The following LRIG1 variants were observed in gnomAD, a reference collection of about 807,000 sequenced individuals.
LRIG1 encodes leucine rich repeats and immunoglobulin like domains 1.
Under a neutral mutation model 99.2 loss-of-function variants are expected in LRIG1, and 48 were observed. The observed-to-expected ratio is 0.48, with a 90% CI of 0.38 to 0.62. The LOEUF (loss-of-function observed/expected upper bound fraction) is 0.62, where lower values mean the gene tolerates loss of function less well. Among genes scored for constraint, LRIG1 ranks in the 20% least tolerant of loss-of-function variants. The probability of loss-of-function intolerance (pLI) is 0.00; values close to 1 mark genes in which losing one functional copy is unlikely to be tolerated. For synonymous variants in LRIG1, 772 were observed against 596.1 expected (o/e 1.29, Z -4.30); for missense variants, 1,646 against 1,434.4 (o/e 1.15, Z -2.38).
intron 1 of LRIG1, among the ~76,000 whole-genome samples, chr3:66,468,288 C>T (rs947613177): frequency 1.3e-5 from 2 of 152,188 alleles, no homozygotes; most frequent in African/African-American, 2.4e-5. Context: ...TCCCCAAAAG[C>T]AAGCATTGCT....
At chr3:66,458,479 G>T (rs1440890263) in intron 2 of LRIG1, among the ~76,000 whole-genome samples, 1 of 152,086 alleles carries the variant, frequency 6.6e-6, no homozygotes, top group Non-Finnish European at 1.5e-5. Flanking sequence ...AAGGCAGGCA[G>T]ATCACATGAG....
At chr3:66,475,887 A>C (rs56198903) in intron 1 of LRIG1, among the ~76,000 whole-genome samples, 2 of 152,168 alleles carry the variant, frequency 1.3e-5, no homozygotes, top group Non-Finnish European at 2.9e-5. Flanking sequence ...CGATGGTATA[A>C]ACCAGGCACC....
chr3:66,394,032 A>G lies in LRIG1; in HGVS notation c.1468+8T>C. 3 of 1,613,836 alleles carry G rather than the reference A, an allele frequency of 1.9e-6. No homozygotes were observed. The highest frequency in any genetic ancestry group is 2.5e-6 in the Non-Finnish European group (3 of 1,179,902). ...GAAGGAGAGAAAAAGTTACAAAGACAGTCTTACCGCACACGAAACTCTCTG... is the reference window on the plus strand; with the variant it reads ...GAAGGAGAGAAAAAGTTACAAAGACGGTCTTACCGCACACGAAACTCTCTG... On this transcript the variant is annotated splice_region_variant and intron_variant, in intron 12 of 18. Coordinates refer to ENST00000273261, the MANE Select transcript of LRIG1 (RefSeq NM_015541.3).
At chr3:66,493,819 G>T (rs903055571) in intron 1 of LRIG1, among the ~76,000 whole-genome samples, 3 of 126,576 alleles carry the variant, frequency 2.4e-5, no homozygotes, top group Admixed American at 1.7e-4. Flanking sequence ...AAGAAAGAAA[G>T]GAAAGAAAGA....
chr3:66,456,692 A>T (rs888047205), intron 2 of LRIG1, among the ~76,000 whole-genome samples: 2 of 152,086 alleles, frequency 1.3e-5, no homozygotes, highest in African/African-American at 2.4e-5. Context: ...ACCCCTGCTC[A>T]CACACACCCA....
At position 66,386,409 on chromosome 3, in the gene LRIG1, G is replaced by C. The variant is rs533261345; in HGVS notation, c.1469-108C>G. 20 of 921,094 alleles carry C rather than the reference G, an allele frequency of 2.2e-5. No homozygotes were observed. In the East Asian group the frequency reaches 4.8e-4, roughly 22 times the overall value. 57.1% of individuals were successfully genotyped at this position (921,094 alleles called of 1,614,324 possible). Reference sequence around the variant, plus strand: ...ACACAGACACCAAGCAGGAACCAGAGCTTGAGGTCCCTGTGCATCCTCAGC... The same window carrying C: ...ACACAGACACCAAGCAGGAACCAGACCTTGAGGTCCCTGTGCATCCTCAGC... On this transcript the variant is annotated intron_variant, in intron 12 of 18. Transcript: ENST00000273261.
At chr3:66,420,513 C>T (rs147709726) in intron 3 of LRIG1, among the ~76,000 whole-genome samples, 1 of 152,354 alleles carries the variant, frequency 6.6e-6, no homozygotes, top group African/African-American at 2.4e-5. Context: ...TGTATCCTCA[C>T]ATTCATAGAA....
rs2106695779 is a variant in LRIG1, at chr3:66,417,236, C to T, written c.396G>A (p.Gly132=). 1 of 1,614,114 alleles carries T rather than the reference C, an allele frequency of 6.2e-7. No homozygotes were observed. The highest frequency in any genetic ancestry group is 1.1e-5 in the South Asian group (1 of 91,078). The change falls in exon 4 of 19, where the codon GGG becomes GGA. Residue 132 remains glycine, a synonymous_variant. Transcript: ENST00000273261. ...AGGAAAGGTAGGCCTTCAGCTGGCT[C>T]CCCTCCACGCTGCGAATCTTGTTGT... The part of the protein sequence containing the change: ...LQHNKIRSVE[G]SQLKAYLSLE...
intron 9 of LRIG1, among the ~76,000 whole-genome samples, chr3:66,403,089 A>G (rs1702124224): frequency 6.6e-6 from 1 of 152,154 alleles, no homozygotes; most frequent in South Asian, 2.1e-4. Context: ...TAGACGGAGT[A>G]GTATCCTGAA....
rs111831367 is a variant in LRIG1, at chr3:66,394,602, C to T, written c.1305-399G>A. Among the ~76,000 whole-genome samples the T allele has an allele frequency of 1.2e-3, 180 of 152,310 alleles. 1 individual carries two copies. The highest frequency in any genetic ancestry group is 4.1e-3 in the African/African-American group (171 of 41,546). ...GACCTCTCCTGACCTCTGATACATC[C>T]AACAGTGCTATGCTGCCACCATCCC... On this transcript the variant is annotated intron_variant, in intron 11 of 18. Coordinates refer to ENST00000273261, the MANE Select transcript of LRIG1 (RefSeq NM_015541.3).
chr3:66,499,647 G>A (rs1701308633), intron 1 of LRIG1, among the ~76,000 whole-genome samples: 1 of 152,156 alleles, frequency 6.6e-6, no homozygotes, highest in African/African-American at 2.4e-5. Context: ...GGGATCAGGA[G>A]ACGGCTACAC....
At chr3:66,388,672 C>G (rs1701496193) in intron 12 of LRIG1, among the ~76,000 whole-genome samples, 1 of 151,998 alleles carries the variant, frequency 6.6e-6, no homozygotes, top group Non-Finnish European at 1.5e-5. Flanking sequence ...TACCAGAACC[C>G]ACAGAGAACA....
intron 3 of LRIG1, chr3:66,417,610 G>T: frequency 4.5e-6 from 1 of 221,154 alleles, no homozygotes; most frequent in Non-Finnish European, 9.1e-6. Context: ...GTCCTGTGCA[G>T]CCAGACAGCT....
chr3:66,461,004 A>T (rs1700342913), intron 2 of LRIG1, among the ~76,000 whole-genome samples: 1 of 152,358 alleles, frequency 6.6e-6, no homozygotes, highest in African/African-American at 2.4e-5. Context: ...TGTCATCAAT[A>T]ATGGAATCAA....
At chr3:66,500,151 G>T in intron 1 of LRIG1, 39 bp downstream of exon 1, 1 of 1,470,040 alleles carries the variant, frequency 6.8e-7, no homozygotes, top group Non-Finnish European at 9.1e-7. Flanking sequence ...AAGTGACAGA[G>T]CCCCGGGGCG....
At chr3:66,416,796 G>T (rs568503707) in intron 4 of LRIG1, among the ~76,000 whole-genome samples, 189 of 152,344 alleles carry the variant, frequency 1.2e-3, no homozygotes, top group Non-Finnish European at 2.1e-3. Flanking sequence ...CTGAGAGGCA[G>T]CCAAGGAAAT....
intron 12 of LRIG1, among the ~76,000 whole-genome samples, chr3:66,393,632 C>T (rs1161514784): frequency 6.6e-6 from 1 of 152,182 alleles, no homozygotes; most frequent in Admixed American, 6.5e-5. Flanking sequence ...CAACTGTTCT[C>T]CTGAGACTTG....
intron 1 of LRIG1, among the ~76,000 whole-genome samples, chr3:66,484,893 A>T (rs558316904): frequency 3.3e-5 from 5 of 152,124 alleles, no homozygotes; most frequent in Non-Finnish European, 7.4e-5. Context: ...GGTGGCTCAC[A>T]CCTGTAATCC....
At position 66,412,925 on chromosome 3, in the gene LRIG1, T is replaced by A; in HGVS notation, c.737A>T (p.Asn246Ile). Residue 246 changes from asparagine to isoleucine, a missense_variant, in exon 6 of 19, where the codon AAC becomes ATC. Asn to Ile is a moderately radical substitution (Grantham distance 149). Transcript: ENST00000273261. ...SLEVLKLQRN[N>I]ISKLTDGAFW... The stretch of plus-strand genomic sequence containing the variant: ...GGCCCCATCTGTCAGTTTGCTGATG[T>A]TGTTTCGCTGAAGCTTCAGCACCTC... The A allele has an allele frequency of 6.2e-7, 1 of 1,614,212 alleles. No individual in the cohort carries two copies. The highest frequency in any genetic ancestry group is 8.5e-7 in the Non-Finnish European group (1 of 1,180,030).
Sources: allele counts gnomAD v4.1 joint callset (sites outside exome capture counted in the v4.1 genomes callset), GRCh38; gene constraint gnomAD v4.1.1; transcripts MANE v1.5; gene names NCBI Gene and HGNC (gene_info 2026-07-23, HGNC 2026-07-21).